Variants in MED1 observed in about 807,000 individuals in gnomAD.
MED1 encodes the protein mediator complex subunit 1.
A neutral mutation model predicts 121.3 loss-of-function variants in MED1; 17 were observed. The ratio of observed to expected loss-of-function variants is 0.14; its 90% CI spans 0.10 to 0.21. MED1 has a LOEUF of 0.21. Among genes scored for constraint, MED1 ranks in the 10% least tolerant of loss-of-function variants. The probability of loss-of-function intolerance (pLI) is 1.00; values close to 1 mark genes in which losing one functional copy is unlikely to be tolerated. For missense variants in MED1, 1,558 were observed against 1,919.4 expected (o/e 0.81, Z 3.52); for synonymous variants, 661 against 694.4 (o/e 0.95, Z 0.76).
At chr17:39,432,551 C>A (rs1280143371) in intron 7 of MED1, among the ~76,000 whole-genome samples, 1 of 150,900 alleles carries the variant, frequency 6.6e-6, no homozygotes, top group Non-Finnish European at 1.5e-5. Context: ...AGTTTGAGAC[C>A]AGCCTGGGCA....
At chr17:39,424,975 G>A (rs1416324543) in intron 10 of MED1, among the ~76,000 whole-genome samples, 1 of 152,084 alleles carries the variant, frequency 6.6e-6, no homozygotes, top group African/African-American at 2.4e-5. Flanking sequence ...CACCTCCTGG[G>A]TTCACACCAT....
intron 14 of MED1, among the ~76,000 whole-genome samples, 196 bp downstream of exon 14, chr17:39,419,521 C>T (rs913865038): frequency 1.3e-5 from 2 of 151,800 alleles, no homozygotes; most frequent in Non-Finnish European, 2.9e-5. Flanking sequence ...GATTCTCCTT[C>T]CTCAGCCTCC....
Position 39,445,046 on chromosome 17 carries a change from C to G in MED1, c.133-1418G>C, listed in dbSNP as rs1041843671. On this transcript the variant is annotated intron_variant, in intron 2 of 16. Coordinates refer to ENST00000300651, the MANE Select transcript of MED1 (RefSeq NM_004774.4). ...TTGCAAATAAATCTATCTCACTGCTCTAATTCTCCCTTACAAAACAAAGTA... is the reference window on the plus strand; with the variant it reads ...TTGCAAATAAATCTATCTCACTGCTGTAATTCTCCCTTACAAAACAAAGTA... Among the ~76,000 whole-genome samples the G allele has an allele frequency of 1.0e-3, 153 of 152,252 alleles. 1 individual carries two copies. Among genetic ancestry groups the G allele is most frequent in the African/African-American group, 3.6e-3 (149 of 41,544 alleles).
intron 13 of MED1, among the ~76,000 whole-genome samples, chr17:39,421,526 G>A (rs1324291110): frequency 6.6e-6 from 1 of 152,082 alleles, no homozygotes; most frequent in African/African-American, 2.4e-5. Flanking sequence ...CTCCAGCCTG[G>A]CAACAGAGCT....
intron 9 of MED1, 119 bp from the exon 10 acceptor site, chr17:39,427,909 C>G: frequency 1.6e-6 from 1 of 643,476 alleles, no homozygotes; most frequent in South Asian, 2.0e-5. Flanking sequence ...TATGAAGAGT[C>G]ATGCTCCAAA....
Position 39,409,871 on chromosome 17 carries a change from A to G in MED1, c.2350T>C (p.Ser784Pro). The change falls in exon 17 of 17, where the codon TCA (serine) becomes CCA (proline). Residue 784 changes from serine (S) to proline (P), a missense_variant. Around this residue, in one of 5 missense-constraint regions of MED1, gnomAD observed 793 missense variants for 898.2 expected, o/e 0.88. Coordinates refer to ENST00000300651, the MANE Select transcript of MED1 (RefSeq NM_004774.4). ...TTAGAAGCTTCTTCTGCAATGTCTG[A>G]AAGGATGTCAGTTACATCTGGGCCA... ...SIGPDVTDILSDIAEEASKLP... is the reference protein window; with the variant it reads ...SIGPDVTDILPDIAEEASKLP... 1 of 1,614,120 alleles carries G rather than the reference A, an allele frequency of 6.2e-7. No homozygotes were observed. The highest frequency in any genetic ancestry group is 8.5e-7 in the Non-Finnish European group (1 of 1,180,010).
chr17:39,430,519 G>T (rs1483714382), intron 9 of MED1, among the ~76,000 whole-genome samples: 2 of 149,864 alleles, frequency 1.3e-5, no homozygotes, highest in African/African-American at 4.9e-5. Flanking sequence ...GTGAAACCCC[G>T]TCTCCACTAA....
chr17:39,406,681 T>A lies in MED1; in HGVS notation c.*794A>T. On this transcript the variant is annotated 3_prime_UTR_variant, in exon 17 of 17. Transcript: ENST00000300651. ...AACCCTCCTAAAATAAAAATATCAT[T>A]TTGGTTTTTCTATTATATTTAACTC... 2 of 985,184 alleles carry A rather than the reference T, an allele frequency of 2.0e-6. No individual in the cohort carries two copies. Among genetic ancestry groups the A allele is most frequent in the Non-Finnish European group, 2.4e-6 (2 of 829,726 alleles). 61.0% of individuals were successfully genotyped at this position (985,184 alleles called of 1,614,324 possible).
chr17:39,431,689 T>C lies in MED1; in HGVS notation c.575+253A>G, dbSNP rs567052095. Among the ~76,000 whole-genome samples the C allele has an allele frequency of 4.6e-5, 7 of 152,340 alleles. No individual in the cohort carries two copies. The South Asian group carries it at 1.4e-3, about 32-fold the overall frequency. On this transcript the variant is annotated intron_variant, in intron 8 of 16. Coordinates refer to ENST00000300651, the MANE Select transcript of MED1 (RefSeq NM_004774.4). Reference sequence around the variant, plus strand: ...TTTCCAAGTACACACCAGTATGTAGTATGGTGAACAAAAATTACACTTAGA... The same window carrying C: ...TTTCCAAGTACACACCAGTATGTAGCATGGTGAACAAAAATTACACTTAGA...
rs1168963557 is a variant in MED1 at position 39,410,238 on chromosome 17, A to G, written c.1983T>C (p.Tyr661=). ...DNPAQDFSTL[Y]GSSPLERQNS... is the part of the protein sequence containing the mutation. ...TCTGCCTTTCTAAAGGGCTGCTTCC[A>G]TAAAGGGTTGAGAAATCCTGGGCAG... is the stretch of plus-strand genomic sequence containing the variant. Residue 661 remains tyrosine, a synonymous_variant, in exon 17 of 17, where the codon TAT becomes TAC. Coordinates refer to ENST00000300651, the MANE Select transcript of MED1 (RefSeq NM_004774.4). 2 of 1,614,012 alleles carry G rather than the reference A, an allele frequency of 1.2e-6. No individual in the cohort carries two copies. The highest frequency in any genetic ancestry group is 4.5e-5 in the East Asian group (2 of 44,864).
rs1399872792 is a variant in MED1, at chr17:39,408,552, G to A, written c.3669C>T (p.Ser1223=). ...AACCACCAGAACCTGAACTGATAGGGGACTTGGCTTTAGAGGATGGAGGAG... is the reference window on the plus strand; with the variant it reads ...AACCACCAGAACCTGAACTGATAGGAGACTTGGCTTTAGAGGATGGAGGAG... The part of the protein sequence containing the change: ...PGTPPSSKAK[S]PISSGSGGSH... The change falls in exon 17 of 17, where the codon TCC becomes TCT. Residue 1223 remains serine, a synonymous_variant. Transcript: ENST00000300651. This position sits in a 1 kb window ranked among gnomAD's most constrained non-coding sequence, Gnocchi z 4.7. 1 of 1,614,190 alleles carries A rather than the reference G, an allele frequency of 6.2e-7. No individual in the cohort carries two copies. Among genetic ancestry groups the A allele is most frequent in the Non-Finnish European group, 8.5e-7 (1 of 1,180,034 alleles).
At chr17:39,441,822 A>C (rs2048677895) in intron 3 of MED1, among the ~76,000 whole-genome samples, 1 of 152,138 alleles carries the variant, frequency 6.6e-6, no homozygotes, top group African/African-American at 2.4e-5. Flanking sequence ...CTCAGCTGAG[A>C]CTGGGCAAAG....
At chr17:39,439,114 A>C in intron 6 of MED1, 51 bp downstream of exon 6, 1 of 1,531,038 alleles carries the variant, frequency 6.5e-7, no homozygotes, top group Non-Finnish European at 8.9e-7. Flanking sequence ...GCCAGCTGTA[A>C]AGAACAGCAC....
rs1431770087 is a variant in MED1 at position 39,410,108 on chromosome 17, C to T, written c.2113G>A (p.Glu705Lys). 6.2e-7 allele frequency: 1 copy of T among 1,614,136 alleles called. No homozygotes were observed. The highest frequency in any genetic ancestry group is 2.2e-5 in the East Asian group (1 of 44,880). Residue 705 changes from glutamate (E) to lysine (K), a missense_variant, in exon 17 of 17, where the codon GAA becomes AAA. Glu to Lys is a moderately conservative substitution (Grantham distance 56). Coordinates refer to ENST00000300651, the MANE Select transcript of MED1 (RefSeq NM_004774.4). The stretch of plus-strand genomic sequence containing the variant: ...AATAGCTCCCTCTGAAAGTCATCTT[C>T]AGTCTGGTGCTTTGGTTTCTCAGGT... ...LPPEKPKHQT[E>K]DDFQRELFSM...
intron 6 of MED1, among the ~76,000 whole-genome samples, chr17:39,437,326 C>G (rs2048629495): frequency 6.6e-6 from 1 of 152,140 alleles, no homozygotes; most frequent in South Asian, 2.1e-4. Flanking sequence ...GATCTGCTCA[C>G]TTCGACCTCC....
chr17:39,444,487 CAGAG>C lies in MED1; in HGVS notation c.133-863_133-860del, dbSNP rs537844584. Among the ~76,000 whole-genome samples, 938 of 148,274 alleles carry C rather than the reference CAGAG, an allele frequency of 6.3e-3. 17 individuals carry two copies. Among genetic ancestry groups the C allele is most frequent in the African/African-American group, 0.022 (897 of 40,202 alleles). On this transcript the variant is annotated intron_variant, in intron 2 of 16. Coordinates refer to ENST00000300651, the MANE Select transcript of MED1 (RefSeq NM_004774.4). ...ACACCACTGCACTCCAGCCTGGCGACAGAGAGAGACTCTGTCTCAAAAAAAAAAA... is the reference window on the plus strand; with the variant it reads ...ACACCACTGCACTCCAGCCTGGCGACAGAGACTCTGTCTCAAAAAAAAAAA...
At chr17:39,413,912 T>TA (rs66489961) in intron 16 of MED1, among the ~76,000 whole-genome samples, 1,797 of 69,816 alleles carry the variant, frequency 0.026, 50 homozygotes, top group Non-Finnish European at 0.03. Flanking sequence ...GTAATATCAT[T>TA]AAAAAAAAAA....
chr17:39,433,062 G>T (rs2048582442), intron 7 of MED1, among the ~76,000 whole-genome samples: 1 of 152,068 alleles, frequency 6.6e-6, no homozygotes, highest in South Asian at 2.1e-4. Context: ...AACTTAGCCA[G>T]GTCAGTGGTG....
chr17:39,422,313 G>T (rs775632770), intron 13 of MED1, among the ~76,000 whole-genome samples: 1 of 145,194 alleles, frequency 6.9e-6, no homozygotes, highest in Non-Finnish European at 1.5e-5. Context: ...ACAGGTGCAT[G>T]ACACCACACC....
Sources: allele counts gnomAD v4.1 joint callset (sites outside exome capture counted in the v4.1 genomes callset), GRCh38; gene constraint gnomAD v4.1.1; regional missense constraint gnomAD v4.1.1; non-coding constraint Gnocchi (gnomAD v3.1); transcripts MANE v1.5; gene names NCBI Gene and HGNC (gene_info 2026-07-23, HGNC 2026-07-21).